Variants in MTOR observed in about 807,000 individuals in gnomAD.
The protein encoded by MTOR is mechanistic target of rapamycin kinase.
Under a neutral mutation model 319.8 loss-of-function variants are expected in MTOR, and 70 were observed. The observed-to-expected ratio is 0.22, with a 90% CI of 0.18 to 0.27. The LOEUF (loss-of-function observed/expected upper bound fraction) is 0.27, where lower values mean the gene tolerates loss of function less well. Ranked by LOEUF, MTOR falls within the 10% of genes least tolerant of loss-of-function variation. The probability of loss-of-function intolerance (pLI) is 1.00; values close to 1 mark genes in which losing one functional copy is unlikely to be tolerated. For missense variants in MTOR, 1,890 were observed against 3,274.4 expected (o/e 0.58, Z 10.32); for synonymous variants, 1,183 against 1,211.4 (o/e 0.98, Z 0.49).
At chr1:11,239,105 G>T (rs575201559) in intron 11 of MTOR, among the ~76,000 whole-genome samples, 4 of 152,228 alleles carry the variant, frequency 2.6e-5, no homozygotes, top group East Asian at 1.9e-4. Flanking sequence ...TAACAAGGGG[G>T]ATTTCAATCA....
chr1:11,202,212 G>C (rs372654896), intron 26 of MTOR, among the ~76,000 whole-genome samples: 1 of 151,990 alleles, frequency 6.6e-6, no homozygotes, highest in East Asian at 1.9e-4. Flanking sequence ...GGCAGATTGC[G>C]AGGTCAGGAG....
At chr1:11,224,060 A>C (rs1157821720) in intron 19 of MTOR, among the ~76,000 whole-genome samples, 1 of 151,224 alleles carries the variant, frequency 6.6e-6, no homozygotes, top group African/African-American at 2.4e-5. Context: ...AAATAAAATA[A>C]AATAAAATAA....
chr1:11,259,576 A>G (rs1355605570), intron 1 of MTOR, among the ~76,000 whole-genome samples, 153 bp from the exon 2 acceptor site: 1 of 152,224 alleles, frequency 6.6e-6, no homozygotes, highest in Non-Finnish European at 1.5e-5. Context: ...AACATTTAGA[A>G]AGCCTAGATT....
At chr1:11,135,703 C>T (rs866148069) in intron 36 of MTOR, among the ~76,000 whole-genome samples, 3 of 148,352 alleles carry the variant, frequency 2.0e-5, no homozygotes, top group Admixed American at 6.7e-5. Flanking sequence ...CGTGGTGGGG[C>T]GCGCCTGTAA....
At chr1:11,172,557 CAAA>C (rs767483973) in intron 28 of MTOR, among the ~76,000 whole-genome samples, 5,550 of 56,168 alleles carry the variant, frequency 0.099, 158 homozygotes, top group South Asian at 0.22. Context: ...GACTCTGTCT[CAAA>C]AAAAAAAAAA....
At chr1:11,177,696 G>A (rs544005680) in intron 28 of MTOR, among the ~76,000 whole-genome samples, 22 of 152,156 alleles carry the variant, frequency 1.4e-4, no homozygotes, top group Non-Finnish European at 2.4e-4. Context: ...TAGAGGACAC[G>A]CTAAATCTGT....
chr1:11,159,877 T>C (rs77808057), intron 29 of MTOR, among the ~76,000 whole-genome samples: 1,865 of 152,250 alleles, frequency 0.012, 48 homozygotes, highest in African/African-American at 0.042. Flanking sequence ...CTAGAGCTTC[T>C]TGACCTTCCG....
intron 4 of MTOR, chr1:11,256,423 T>C: frequency 1.3e-6 from 1 of 742,794 alleles, no homozygotes; most frequent in Non-Finnish European, 1.6e-6. Context: ...TGTTTGAACA[T>C]AAGTTCTGGA....
At chr1:11,139,034 C>A in intron 36 of MTOR, 1 of 385,078 alleles carries the variant, frequency 2.6e-6, no homozygotes, top group Non-Finnish European at 4.6e-6. Context: ...GAAAGTGTGC[C>A]CTTTCTATGT....
intron 28 of MTOR, among the ~76,000 whole-genome samples, chr1:11,188,149 T>C (rs1224920857): frequency 6.6e-6 from 1 of 152,148 alleles, no homozygotes; most frequent in Non-Finnish European, 1.5e-5. Flanking sequence ...ACAGTACAAG[T>C]AACTGCCTGA....
At chr1:11,174,300 T>C (rs577544525) in intron 28 of MTOR, among the ~76,000 whole-genome samples, 1 of 152,278 alleles carries the variant, frequency 6.6e-6, no homozygotes, top group South Asian at 2.1e-4. Context: ...ATGGGTGGGA[T>C]GTTTCCATTA....
At chr1:11,180,669 T>C (rs548806898) in intron 28 of MTOR, among the ~76,000 whole-genome samples, 3 of 152,296 alleles carry the variant, frequency 2.0e-5, no homozygotes, top group East Asian at 1.9e-4. Flanking sequence ...CTAAGGGTGA[T>C]TTACTGAAAT....
intron 25 of MTOR, among the ~76,000 whole-genome samples, chr1:11,206,102 G>A (rs1340169461): frequency 1.3e-5 from 2 of 152,204 alleles, no homozygotes; most frequent in East Asian, 1.9e-4. Context: ...TGAATGAGAA[G>A]GAAGAGGGAG....
At chr1:11,218,299 A>G (rs557914561) in intron 19 of MTOR, among the ~76,000 whole-genome samples, 16 of 152,108 alleles carry the variant, frequency 1.1e-4, no homozygotes, top group East Asian at 3.9e-4. Flanking sequence ...GCATGGTGGC[A>G]TGTGCCTGTA....
At chr1:11,206,730 C>A (rs999327613) in intron 25 of MTOR, among the ~76,000 whole-genome samples, 15 of 152,334 alleles carry the variant, frequency 9.8e-5, no homozygotes, top group African/African-American at 3.6e-4. Flanking sequence ...TCTATAACAA[C>A]TGTGTAAACA....
At chr1:11,117,784 G>A (rs1017899227) in intron 49 of MTOR, among the ~76,000 whole-genome samples, 2 of 152,028 alleles carry the variant, frequency 1.3e-5, no homozygotes, top group African/African-American at 4.8e-5. Flanking sequence ...AGGACACGTA[G>A]AATTTAGTGT....
intron 34 of MTOR, among the ~76,000 whole-genome samples, chr1:11,142,029 A>T (rs994558928): frequency 1.3e-5 from 2 of 151,722 alleles, no homozygotes; most frequent in African/African-American, 2.4e-5. Context: ...AAATAAATAA[A>T]ATAAAATAAT....
chr1:11,248,319 AAGC>A (rs1473603417), intron 6 of MTOR, among the ~76,000 whole-genome samples: 1 of 152,212 alleles, frequency 6.6e-6, no homozygotes, highest in Non-Finnish European at 1.5e-5. Context: ...TTGAACAATA[AAGC>A]AGCAGCAGAG....
At chr1:11,222,951 G>A (rs896558195) in intron 19 of MTOR, among the ~76,000 whole-genome samples, 14 of 151,970 alleles carry the variant, frequency 9.2e-5, no homozygotes, top group Non-Finnish European at 1.2e-4. Context: ...CACTAGCAGT[G>A]GGTCATATGG....
Sources: allele counts gnomAD v4.1 joint callset (sites outside exome capture counted in the v4.1 genomes callset), GRCh38; gene constraint gnomAD v4.1.1; transcripts MANE v1.5; gene names NCBI Gene and HGNC (gene_info 2026-07-23, HGNC 2026-07-21).